EIF4E: variants seen among roughly 807,000 people sequenced by gnomAD.
EIF4E encodes eIF-4F 25 kDa subunit.
For missense variants in EIF4E, 113 were observed against 265.6 expected, an observed-to-expected ratio of 0.43 and a Z score of 3.99; for synonymous variants, 71 against 88.5, an observed-to-expected ratio of 0.80 and a Z score of 1.11.
intron 1 of EIF4E, among the ~76,000 whole-genome samples, chr4:98,908,463 T>C (rs1297548215): frequency 6.6e-6 from 1 of 152,218 alleles, no homozygotes; most frequent in Non-Finnish European, 1.5e-5. Flanking sequence ...GCTGTGTCCA[T>C]ATTAGAAATG....
At chr4:98,913,346 C>G (rs911709642) in intron 1 of EIF4E, among the ~76,000 whole-genome samples, 3 of 151,750 alleles carry the variant, frequency 2.0e-5, no homozygotes, top group Admixed American at 6.6e-5. Flanking sequence ...TCTTTTCTTG[C>G]CTTCAGAGGA....
At position 98,892,278 on chromosome 4, in the gene EIF4E, G is replaced by A. The variant is rs563568516; in HGVS notation, c.126-946C>T. 2.8e-5 allele frequency among the ~76,000 whole-genome samples: 4 copies of A among 143,348 alleles called. No homozygotes were observed. In the East Asian group the frequency reaches 5.9e-4, roughly 21 times the overall value. 94.0% of individuals were successfully genotyped at this position (143,348 alleles called of 152,430 possible). ...GGAGGCTACGGTGAGCTGAGATCAC[G>A]CCACTGCACTCCAGCCTGGGCAACA... On this transcript the variant is annotated intron_variant, in intron 2 of 6. Coordinates refer to ENST00000450253, the MANE Select transcript of EIF4E (RefSeq NM_001968.5).
chr4:98,883,370 T>C (rs944138428), intron 6 of EIF4E, among the ~76,000 whole-genome samples: 1 of 151,642 alleles, frequency 6.6e-6, no homozygotes, highest in Non-Finnish European at 1.5e-5. Context: ...AGCACTTAAT[T>C]TTAACATAAA....
chr4:98,912,690 T>G (rs764674655), intron 1 of EIF4E, among the ~76,000 whole-genome samples: 1 of 152,206 alleles, frequency 6.6e-6, no homozygotes, highest in Admixed American at 6.5e-5. Context: ...CACAAAACTG[T>G]TGACTGCAGT....
intron 1 of EIF4E, among the ~76,000 whole-genome samples, chr4:98,922,813 G>A (rs1021375752): frequency 6.6e-6 from 1 of 150,638 alleles, no homozygotes; most frequent in East Asian, 2.0e-4. Flanking sequence ...ACTGAATATA[G>A]TGTGACTAAA....
chr4:98,881,970 G>A (rs1345549710), intron 6 of EIF4E, among the ~76,000 whole-genome samples: 7 of 152,186 alleles, frequency 4.6e-5, no homozygotes, highest in Admixed American at 1.3e-4. Context: ...TTAAGAGAAT[G>A]AGCACATTTG....
At chr4:98,910,229 C>T (rs1249342188) in intron 1 of EIF4E, among the ~76,000 whole-genome samples, 1 of 152,044 alleles carries the variant, frequency 6.6e-6, no homozygotes, top group African/African-American at 2.4e-5. Flanking sequence ...ATACTCCTCC[C>T]TTAACCGAGA....
chr4:98,910,034 G>T, intron 1 of EIF4E: 1 of 324,578 alleles, frequency 3.1e-6, no homozygotes, highest in Non-Finnish European at 5.5e-6. Flanking sequence ...TGTCTTGTAA[G>T]AAATAAAAAA....
intron 1 of EIF4E, among the ~76,000 whole-genome samples, chr4:98,918,408 G>T (rs969827395): frequency 6.7e-6 from 1 of 149,152 alleles, no homozygotes; most frequent in Non-Finnish European, 1.5e-5. Context: ...AAAAGAAAAC[G>T]TACATACCTA....
Position 98,901,995 on chromosome 4 carries a change from A to C in EIF4E, c.19-13T>G. The C allele has an allele frequency of 6.3e-7, 1 of 1,594,644 alleles. No individual in the cohort carries two copies. The highest frequency in any genetic ancestry group is 8.6e-7 in the Non-Finnish European group (1 of 1,162,550). ...TAGGGGTGGTTTCCTAGTGGAAAAT[A>C]ATATAAAACATTATTTTAAATGTCT... On this transcript the variant is annotated splice_polypyrimidine_tract_variant and intron_variant, in intron 1 of 6. Coordinates refer to ENST00000450253, the MANE Select transcript of EIF4E (RefSeq NM_001968.5).
At position 98,880,805 on chromosome 4, in the gene EIF4E, T is replaced by C. The variant is rs1244661870; in HGVS notation, c.*223A>G. ...TGGATTCTGGGGATGTGTACTGTAA[T>C]TCTTTGATTGGGATAGTGGAAACTC... is the stretch of plus-strand genomic sequence containing the variant. On this transcript the variant is annotated 3_prime_UTR_variant, in exon 7 of 7. Coordinates refer to ENST00000450253, the MANE Select transcript of EIF4E (RefSeq NM_001968.5). 18 of 750,698 alleles carry C rather than the reference T, an allele frequency of 2.4e-5. No homozygotes were observed. Among genetic ancestry groups the C allele is most frequent in the Non-Finnish European group, 3.3e-5 (17 of 514,140 alleles). The allele number at this position is 750,698 out of a possible 1,614,324, so 46.5% of individuals were successfully genotyped here. A position where few individuals can be genotyped will look rare whatever the true frequency, so the allele number is the denominator to read the frequency against.
rs556040008 is a variant in EIF4E, at chr4:98,899,509, CT to C, written c.125+2366del. ...ATAAAACAGAATAATGTGGCAGTAT[CT>C]GCGCAAAGGTTGTTAAAGGGTAATC... On this transcript the variant is annotated intron_variant, in intron 2 of 6. Transcript: ENST00000450253. 5.6e-3 allele frequency among the ~76,000 whole-genome samples: 859 copies of C among 152,242 alleles called. 6 individuals are homozygous for C. Among genetic ancestry groups the C allele is most frequent in the Non-Finnish European group, 8.6e-3 (582 of 67,998 alleles).
At chr4:98,891,045 GGATGACAA>G (rs1724123342) in intron 3 of EIF4E, 184 bp downstream of exon 3, 4 of 637,662 alleles carry the variant, frequency 6.3e-6, no homozygotes, top group Non-Finnish European at 1.1e-5. Flanking sequence ...TGGGGCTGGG[GGATGACAA>G]GATTGAAGCT....
At chr4:98,914,361 C>CAAAA (rs1159581783) in intron 1 of EIF4E, among the ~76,000 whole-genome samples, 7 of 34,834 alleles carry the variant, frequency 2.0e-4, no homozygotes, top group Admixed American at 5.3e-4. Flanking sequence ...GACTCCGTCT[C>CAAAA]AAAAAAAAAA....
intron 2 of EIF4E, among the ~76,000 whole-genome samples, chr4:98,893,765 T>C (rs1197242885): frequency 6.6e-6 from 1 of 152,266 alleles, no homozygotes; most frequent in Non-Finnish European, 1.5e-5. Context: ...CTTGTTCATG[T>C]TGATATTCTG....
chr4:98,885,103 A>G, intron 5 of EIF4E, 42 bp from the exon 6 acceptor site: 1 of 1,590,488 alleles, frequency 6.3e-7, no homozygotes, highest in African/African-American at 1.4e-5. Flanking sequence ...GATTATAAAC[A>G]AGCTCATTAC....
rs141901672 is a variant in EIF4E at position 98,886,817 on chromosome 4, G to A, written c.399+262C>T. 538 of 437,924 alleles carry A rather than the reference G, an allele frequency of 1.2e-3. 3 individuals carry two copies. Among genetic ancestry groups the A allele is most frequent in the African/African-American group, 9.5e-3 (474 of 49,946 alleles). 27.1% of individuals were successfully genotyped at this position (437,924 alleles called of 1,614,324 possible). A position where few individuals can be genotyped will look rare whatever the true frequency, so the allele number is the denominator to read the frequency against. ...AAATGTAAGGTTCTATAATTTTGAG[G>A]TTAATGAAATGACCACAGTGAGCTT... On this transcript the variant is annotated intron_variant, in intron 5 of 6. Coordinates refer to ENST00000450253, the MANE Select transcript of EIF4E (RefSeq NM_001968.5).
chr4:98,896,172 G>A (rs1724374457), intron 2 of EIF4E, among the ~76,000 whole-genome samples: 1 of 138,042 alleles, frequency 7.2e-6, no homozygotes, highest in Non-Finnish European at 1.5e-5. Flanking sequence ...CTCCAGCCTG[G>A]TGACAGAGCG....
At chr4:98,905,440 T>C (rs904575617) in intron 1 of EIF4E, among the ~76,000 whole-genome samples, 2 of 152,082 alleles carry the variant, frequency 1.3e-5, no homozygotes, top group African/African-American at 4.8e-5. Context: ...AGCGAGGCCA[T>C]GGGATGGTGC....
Sources: allele counts gnomAD v4.1 joint callset (sites outside exome capture counted in the v4.1 genomes callset), GRCh38; gene constraint gnomAD v4.1.1; transcripts MANE v1.5; gene names NCBI Gene and HGNC (gene_info 2026-07-23, HGNC 2026-07-21).